Variants in DPP10 observed in about 807,000 individuals in gnomAD.
The protein encoded by DPP10 is dipeptidyl peptidase like 10, also known as inactive dipeptidyl peptidase 10.
Under a neutral mutation model 120.9 loss-of-function variants are expected in DPP10, and 33 were observed. The ratio of observed to expected loss-of-function variants is 0.27; its 90% CI spans 0.21 to 0.37. The LOEUF is 0.37. Among genes scored for constraint, DPP10 ranks in the 10% least tolerant of loss-of-function variants. The pLI is 1.00. For synonymous variants in DPP10, 337 were observed against 326.1 expected, an observed-to-expected ratio of 1.03 and a Z score of -0.36; for missense variants, 816 against 942.8, an observed-to-expected ratio of 0.87 and a Z score of 1.76.
At chr2:115,568,949 G>A (rs570404354) in intron 5 of DPP10, among the ~76,000 whole-genome samples, 2 of 152,020 alleles carry the variant, frequency 1.3e-5, no homozygotes, top group Non-Finnish European at 2.9e-5. Context: ...CTGTTTCCTT[G>A]GTGTCAATAT....
intron 2 of DPP10, 108 bp downstream of exon 2, chr2:115,309,461 C>A: frequency 3.0e-6 from 3 of 987,056 alleles, no homozygotes; most frequent in South Asian, 1.9e-5. Flanking sequence ...GGCACATTAG[C>A]ATGGGTTGGA....
chr2:115,243,960 T>C (rs1448976092), intron 1 of DPP10, among the ~76,000 whole-genome samples: 4 of 151,630 alleles, frequency 2.6e-5, no homozygotes, highest in Non-Finnish European at 5.9e-5. Flanking sequence ...AAAATTTTTC[T>C]TGTTATTTTG....
rs570426073 is a variant in DPP10 at position 115,725,569 on chromosome 2, G to T, written c.577-2247G>T. 2.0e-5 allele frequency among the ~76,000 whole-genome samples: 3 copies of T among 152,264 alleles called. No homozygotes were observed. The East Asian group carries it at 5.8e-4, about 29-fold the overall frequency. On this transcript the variant is annotated intron_variant, in intron 7 of 25. Transcript: ENST00000410059. ...CTGTCAAATATAAATGTAATTACTG[G>T]TCAATAGTTTTGGATAATTTTTACA... is the stretch of plus-strand genomic sequence containing the variant.
chr2:114,521,929 T>A (rs1685090932), intron 1 of DPP10, among the ~76,000 whole-genome samples: 1 of 144,672 alleles, frequency 6.9e-6, no homozygotes, highest in Non-Finnish European at 1.5e-5. Context: ...TGCCTCAGCC[T>A]CCCGAGTAGC....
At chr2:115,702,227 T>A (rs1188596818) in intron 7 of DPP10, among the ~76,000 whole-genome samples, 5 of 151,972 alleles carry the variant, frequency 3.3e-5, no homozygotes. Context: ...GAAGTCCATC[T>A]CTAACCCTCA....
At chr2:115,263,578 T>C (rs1018203807) in intron 1 of DPP10, among the ~76,000 whole-genome samples, 1 of 148,700 alleles carries the variant, frequency 6.7e-6, no homozygotes, top group Non-Finnish European at 1.5e-5. Context: ...CTATAGAATA[T>C]GTGCTATTCT....
intron 1 of DPP10, among the ~76,000 whole-genome samples, chr2:115,130,665 T>C (rs2050309534): frequency 6.6e-6 from 1 of 152,200 alleles, no homozygotes; most frequent in African/African-American, 2.4e-5. Flanking sequence ...ACCATGCCTT[T>C]TCTCCCACAT....
intron 1 of DPP10, among the ~76,000 whole-genome samples, chr2:114,568,390 T>C (rs1007056093): frequency 9.9e-5 from 15 of 152,218 alleles, no homozygotes; most frequent in African/African-American, 3.6e-4. Flanking sequence ...GAGGTCATTA[T>C]GTTAAGTAAA....
intron 5 of DPP10, among the ~76,000 whole-genome samples, chr2:115,626,903 C>A (rs1319233058): frequency 6.6e-6 from 1 of 152,106 alleles, no homozygotes; most frequent in African/African-American, 2.4e-5. Context: ...ATACCACTCA[C>A]TAAACACACA....
At chr2:114,764,390 T>C (rs1458642340) in intron 1 of DPP10, among the ~76,000 whole-genome samples, 1 of 151,470 alleles carries the variant, frequency 6.6e-6, no homozygotes, top group African/African-American at 2.4e-5. Context: ...GGTACTGATA[T>C]TAAGATTTAT....
In DPP10 at chr2:115,267,561, G is replaced by A. The variant is rs111938424; in HGVS notation, c.61-41678G>A. Among the ~76,000 whole-genome samples the A allele has an allele frequency of 5.9e-4, 89 of 151,980 alleles. 1 individual carries two copies. The highest frequency in any genetic ancestry group is 1.9e-3 in the African/African-American group (79 of 41,464). ...TGTAACTGCATTTCAGCACTGCATC[G>A]CTCTCTGTATTCCCCTCTCCTCTCC... On this transcript the variant is annotated intron_variant, in intron 1 of 25. Transcript: ENST00000410059.
rs376554555 is a variant in DPP10, at chr2:115,058,242, T to C, written c.61-250997T>C. Reference sequence around the variant, plus strand: ...TCAGCCTTTCTTCTACTGCTTTATATTGAAAGCAAGGCTAGCTTTTAATCA... The same window carrying C: ...TCAGCCTTTCTTCTACTGCTTTATACTGAAAGCAAGGCTAGCTTTTAATCA... On this transcript the variant is annotated intron_variant, in intron 1 of 25. Coordinates refer to ENST00000410059, the MANE Select transcript of DPP10 (RefSeq NM_020868.6). Among the ~76,000 whole-genome samples, 43 of 146,654 alleles carry C rather than the reference T, an allele frequency of 2.9e-4. 2 individuals are homozygous for C. In the East Asian group the frequency reaches 6.5e-3, roughly 22 times the overall value.
chr2:115,682,584 C>T (rs184791291), intron 5 of DPP10, among the ~76,000 whole-genome samples: 38 of 151,774 alleles, frequency 2.5e-4, no homozygotes, highest in African/African-American at 8.4e-4. Flanking sequence ...TCTGCCTGCT[C>T]AAAGATCTCC....
intron 1 of DPP10, among the ~76,000 whole-genome samples, chr2:115,022,812 A>T (rs952630108): frequency 2.6e-5 from 4 of 152,166 alleles, no homozygotes; most frequent in Admixed American, 2.6e-4. Flanking sequence ...ACAGAGACTA[A>T]TGGAACAAAA....
chr2:115,048,713 A>G (rs13419539), intron 1 of DPP10, among the ~76,000 whole-genome samples: 2,715 of 152,138 alleles, frequency 0.018, 75 homozygotes, highest in African/African-American at 0.063. Flanking sequence ...CACTTTCTAC[A>G]TGTATCTCCT....
chr2:115,452,630 A>G (rs915183929), intron 3 of DPP10, among the ~76,000 whole-genome samples: 8 of 151,896 alleles, frequency 5.3e-5, no homozygotes, highest in Admixed American at 2.6e-4. Context: ...TGACTTTTCC[A>G]TAGATCTTCA....
chr2:115,837,850 A>C (rs1310536115), intron 24 of DPP10, among the ~76,000 whole-genome samples: 2 of 152,138 alleles, frequency 1.3e-5, no homozygotes, highest in East Asian at 3.9e-4. Flanking sequence ...TCAAAAAAAA[A>C]AAAAGTCTAA....
intron 1 of DPP10, among the ~76,000 whole-genome samples, chr2:114,508,934 A>G (rs976752596): frequency 6.6e-6 from 1 of 152,132 alleles, no homozygotes; most frequent in Non-Finnish European, 1.5e-5. Context: ...GGTAAGATAG[A>G]CTTAGCTAGG....
At chr2:114,942,320 TACAC>T (rs1194601135) in intron 1 of DPP10, among the ~76,000 whole-genome samples, 136 of 123,942 alleles carry the variant, frequency 1.1e-3, no homozygotes, top group Non-Finnish European at 1.8e-3. Context: ...TATATATATA[TACAC>T]ACACATATAT....
Sources: gnomAD v4.1 joint callset for allele counts (sites outside exome capture counted in the v4.1 genomes callset) on GRCh38, gnomAD v4.1.1 for gene constraint, MANE v1.5 for transcripts, NCBI Gene and HGNC (gene_info 2026-07-23, HGNC 2026-07-21) for gene names.